The following PDSS1 variants were observed in gnomAD, a reference collection of about 807,000 sequenced individuals.
PDSS1 encodes decaprenyl diphosphate synthase subunit 1, also known as all trans-polyprenyl-diphosphate synthase PDSS1.
In PDSS1, 43 loss-of-function variants were observed where a neutral mutation model predicts 57.5. That is an observed-to-expected ratio of 0.75 (90% CI 0.59 to 0.96). The LOEUF is 0.96. PDSS1 is among the 50% of genes least tolerant of loss of function. The pLI is 0.00. For synonymous variants in PDSS1, 175 were observed against 191.3 expected (o/e 0.91, Z 0.70); for missense variants, 438 against 527.8 (o/e 0.83, Z 1.67).
chr10:26,740,141 C>CAAA (rs57093244), intron 10 of PDSS1, among the ~76,000 whole-genome samples: 10 of 98,458 alleles, frequency 1.0e-4, no homozygotes, highest in African/African-American at 3.2e-4. Context: ...AACTCCATCT[C>CAAA]AAAAAAAAAA....
At chr10:26,706,941 A>G (rs1835245009) in intron 4 of PDSS1, among the ~76,000 whole-genome samples, 1 of 152,188 alleles carries the variant, frequency 6.6e-6, no homozygotes, top group South Asian at 2.1e-4. Flanking sequence ...TTTATTATTA[A>G]GTGTAGAGTA....
intron 1 of PDSS1, among the ~76,000 whole-genome samples, chr10:26,699,146 C>CA (rs1027927317): frequency 6.6e-6 from 1 of 151,820 alleles, no homozygotes; most frequent in Non-Finnish European, 1.5e-5. Flanking sequence ...AAATCTAAAG[C>CA]AAAAAAGACG....
intron 4 of PDSS1, 23 bp from the exon 5 acceptor site, chr10:26,709,615 G>T: frequency 6.2e-7 from 1 of 1,611,894 alleles, no homozygotes; most frequent in South Asian, 1.1e-5. Context: ...ATGCCATTGT[G>T]ACACAGAGAA....
At chr10:26,731,271 G>C (rs12260767) in intron 8 of PDSS1, among the ~76,000 whole-genome samples, 9,156 of 152,206 alleles carry the variant, frequency 0.06, 738 homozygotes, top group African/African-American at 0.18. Flanking sequence ...AACCCGGGAG[G>C]TGGAGGTTGT....
At chr10:26,737,608 T>G (rs1223505586) in intron 10 of PDSS1, among the ~76,000 whole-genome samples, 2 of 151,108 alleles carry the variant, frequency 1.3e-5, no homozygotes, top group Non-Finnish European at 2.9e-5. Flanking sequence ...GGTGCATGCC[T>G]GTAATCCCAG....
chr10:26,698,090 C>A (rs933891175), intron 1 of PDSS1, among the ~76,000 whole-genome samples: 1 of 150,106 alleles, frequency 6.7e-6, no homozygotes, highest in Non-Finnish European at 1.5e-5. Flanking sequence ...ACCCCGGGAG[C>A]GTTTTGGGGG....
rs1588702784 is a variant in PDSS1 at position 26,735,256 on chromosome 10, G to A, written c.848G>A (p.Cys283Tyr). Residue 283 changes from cysteine (C) to tyrosine (Y), a missense_variant, in exon 9 of 12, where the codon TGT (cysteine) becomes TAT (tyrosine). Around this residue, in one of 2 missense-constraint regions of PDSS1, gnomAD observed 284 missense variants for 390.7 expected, o/e 0.73. Coordinates refer to ENST00000376215, the MANE Select transcript of PDSS1 (RefSeq NM_014317.5). ...CTGTTTCAGGTCTCTGTTCTAGGAT[G>A]TCCCGACCCAGTGGTGCATGAGATC... ...NSCKAVSVLG[C>Y]PDPVVHEIAY... is the part of the protein sequence containing the mutation. The A allele has an allele frequency of 1.2e-6, 2 of 1,613,308 alleles. No homozygotes were observed. The highest frequency in any genetic ancestry group is 1.7e-5 in the Admixed American group (1 of 60,024).
chr10:26,733,928 C>T (rs545915301), intron 8 of PDSS1, among the ~76,000 whole-genome samples: 34 of 152,210 alleles, frequency 2.2e-4, no homozygotes, highest in East Asian at 1.4e-3. Flanking sequence ...GAGCTATGAT[C>T]GCACCACTGT....
chr10:26,699,696 C>G (rs1032403955), intron 1 of PDSS1, among the ~76,000 whole-genome samples: 9 of 152,148 alleles, frequency 5.9e-5, no homozygotes, highest in Non-Finnish European at 1.0e-4. Flanking sequence ...CACGCCTGGC[C>G]TGACACTTCT....
intron 8 of PDSS1, among the ~76,000 whole-genome samples, chr10:26,730,974 T>C (rs944117938): frequency 3.3e-5 from 5 of 152,050 alleles, no homozygotes; most frequent in African/African-American, 9.7e-5. Flanking sequence ...TTTGGGAGGC[T>C]GAGGCGGCCG....
chr10:26,700,202 T>C (rs949198079), intron 1 of PDSS1, among the ~76,000 whole-genome samples: 17 of 152,140 alleles, frequency 1.1e-4, no homozygotes, highest in African/African-American at 3.9e-4. Context: ...GACGGGGACT[T>C]TTTGTGTTGG....
At chr10:26,699,366 C>T (rs1834972705) in intron 1 of PDSS1, among the ~76,000 whole-genome samples, 1 of 151,022 alleles carries the variant, frequency 6.6e-6, no homozygotes. Flanking sequence ...CATCCACCCT[C>T]TTATGCCACT....
intron 8 of PDSS1, among the ~76,000 whole-genome samples, chr10:26,724,741 C>T (rs1284150937): frequency 6.6e-6 from 1 of 152,038 alleles, no homozygotes; most frequent in Non-Finnish European, 1.5e-5. Flanking sequence ...TCACACCCAG[C>T]TAATTTTTGT....
At chr10:26,733,534 A>G (rs745811603) in intron 8 of PDSS1, among the ~76,000 whole-genome samples, 2 of 152,174 alleles carry the variant, frequency 1.3e-5, no homozygotes, top group Non-Finnish European at 2.9e-5. Context: ...CAAGCACTAC[A>G]TAGTCAACAG....
At chr10:26,700,008 C>G (rs1293505434) in intron 1 of PDSS1, among the ~76,000 whole-genome samples, 1 of 152,184 alleles carries the variant, frequency 6.6e-6, no homozygotes, top group East Asian at 1.9e-4. Flanking sequence ...CAAAGAGCGG[C>G]AATAATTAAG....
At chr10:26,742,332 C>T (rs113934519) in intron 10 of PDSS1, among the ~76,000 whole-genome samples, 165 bp from the exon 11 acceptor site, 121 of 152,386 alleles carry the variant, frequency 7.9e-4, no homozygotes, top group African/African-American at 2.9e-3. Flanking sequence ...TCTCTTAGCT[C>T]AGCTTTTGTT....
intron 6 of PDSS1, among the ~76,000 whole-genome samples, chr10:26,723,267 G>A (rs750816762): frequency 8.5e-5 from 13 of 152,208 alleles, no homozygotes; most frequent in Non-Finnish European, 1.0e-4. Context: ...CAGTGAAGAA[G>A]GGGGCAGAAC....
At chr10:26,726,612 G>A (rs1835955772) in intron 8 of PDSS1, among the ~76,000 whole-genome samples, 1 of 152,172 alleles carries the variant, frequency 6.6e-6, no homozygotes, top group Admixed American at 6.5e-5. Context: ...TAATGGGATT[G>A]CAAAATGTAT....
At chr10:26,699,168 A>C (rs1007945921) in intron 1 of PDSS1, among the ~76,000 whole-genome samples, 1 of 152,148 alleles carries the variant, frequency 6.6e-6, no homozygotes. Context: ...TTGGAGACCA[A>C]GTGGCAGCTG....
Sources: allele counts gnomAD v4.1 joint callset (sites outside exome capture counted in the v4.1 genomes callset), GRCh38; gene constraint gnomAD v4.1.1; regional missense constraint gnomAD v4.1.1; transcripts MANE v1.5; gene names NCBI Gene and HGNC (gene_info 2026-07-23, HGNC 2026-07-21).